Variants in TLR2 observed in about 807,000 individuals in gnomAD.
The protein encoded by TLR2 is toll like receptor 2.
A neutral mutation model predicts 9.1 loss-of-function variants in TLR2; 7 were observed. That is an observed-to-expected ratio of 0.77 (90% CI 0.44 to 1.44). The LOEUF is 1.44. Ranked by LOEUF, TLR2 falls within the 40% of genes most tolerant of loss-of-function variation. The probability of loss-of-function intolerance (pLI) is 0.01; values close to 1 mark genes in which losing one functional copy is unlikely to be tolerated. For synonymous variants in TLR2, 317 were observed against 344.6 expected (o/e 0.92, Z 0.89); for missense variants, 812 against 904.6 (o/e 0.90, Z 1.31).
intron 2 of TLR2, among the ~76,000 whole-genome samples, chr4:153,689,442 A>C (rs1319799715): frequency 6.6e-6 from 1 of 152,212 alleles, no homozygotes; most frequent in Non-Finnish European, 1.5e-5. Context: ...TTTAAGCTAA[A>C]CATCCCCTTA....
chr4:153,685,306 T>C (rs1405319327), intron 1 of TLR2, among the ~76,000 whole-genome samples: 1 of 152,196 alleles, frequency 6.6e-6, no homozygotes, highest in Non-Finnish European at 1.5e-5. Flanking sequence ...GGAAAGTCTT[T>C]TTCCTGTTTG....
intron 2 of TLR2, among the ~76,000 whole-genome samples, chr4:153,690,015 C>T (rs1042639449): frequency 4.5e-4 from 68 of 152,212 alleles, no homozygotes; most frequent in Non-Finnish European, 7.3e-5. Flanking sequence ...GATAAGGTTT[C>T]AGGTGTCTTG....
chr4:153,688,181 C>T (rs1230355133), intron 2 of TLR2, 134 bp downstream of exon 2: 1 of 152,120 alleles, frequency 6.6e-6, no homozygotes, highest in Non-Finnish European at 1.5e-5. Flanking sequence ...GACTGGTGCT[C>T]TAGGAGGCCT....
At position 153,703,814 on chromosome 4, in the gene TLR2, G is replaced by T. The variant is rs749381852; in HGVS notation, c.907G>T (p.Val303Phe). Residue 303 changes from valine (V) to phenylalanine (F), a missense_variant, in exon 3 of 3, where the codon GTT becomes TTT. Transcript: ENST00000642700. ...TTTTAGAGCATCTGATAATGACAGA[G>T]TTATAGATCCAGGTAAAGTGGAAAC... Reference protein sequence around the residue: ...GNFRASDNDRVIDPGKVETLT... With the variant: ...GNFRASDNDRFIDPGKVETLT... 1 of 1,614,006 alleles carries T rather than the reference G, an allele frequency of 6.2e-7. No individual in the cohort carries two copies. The highest frequency in any genetic ancestry group is 1.1e-5 in the South Asian group (1 of 91,032).
At chr4:153,695,766 G>A (rs1337730687) in intron 2 of TLR2, among the ~76,000 whole-genome samples, 2 of 152,150 alleles carry the variant, frequency 1.3e-5, no homozygotes, top group African/African-American at 4.8e-5. Context: ...CCAATGTCAT[G>A]GAGAGTTTTC....
intron 2 of TLR2, among the ~76,000 whole-genome samples, chr4:153,691,552 A>G (rs1474359398): frequency 6.6e-6 from 1 of 152,194 alleles, no homozygotes; most frequent in Non-Finnish European, 1.5e-5. Context: ...TAGCAAATCT[A>G]GGGTCTTTTT....
rs149623612 is a variant in TLR2 at position 153,704,796 on chromosome 4, A to G, written c.1889A>G (p.Lys630Arg). ...MMWAWLQAKRKPRKAPSRNIC... is the reference protein window; with the variant it reads ...MMWAWLQAKRRPRKAPSRNIC... ...TGGGCCTGGCTCCAGGCCAAAAGGA[A>G]GCCCAGGAAAGCTCCCAGCAGGAAC... The change falls in exon 3 of 3, where the codon AAG (lysine) becomes AGG (arginine). Residue 630 changes from lysine to arginine, a missense_variant. By Grantham distance (26) the Lys-to-Arg change is conservative. Transcript: ENST00000642700. 157 of 1,613,924 alleles carry G rather than the reference A, an allele frequency of 9.7e-5. No homozygotes were observed. In the African/African-American group the frequency reaches 1.9e-3, roughly 19 times the overall value.
At chr4:153,684,952 C>CGAGCTAG (rs1560732795) in intron 1 of TLR2, among the ~76,000 whole-genome samples, 1 of 152,198 alleles carries the variant, frequency 6.6e-6, no homozygotes, top group East Asian at 1.9e-4. Flanking sequence ...AGGCTTTCAA[C>CGAGCTAG]GAGCTAGCGT....
intron 2 of TLR2, among the ~76,000 whole-genome samples, chr4:153,699,460 T>C (rs1178740275): frequency 6.6e-6 from 1 of 152,218 alleles, no homozygotes; most frequent in African/African-American, 2.4e-5. Flanking sequence ...TTGGAATAAA[T>C]GTAAATGAGG....
At position 153,704,608 on chromosome 4, in the gene TLR2, A is replaced by G. The variant is rs371789249; in HGVS notation, c.1701A>G (p.Pro567=). 2 of 1,611,584 alleles carry G rather than the reference A, an allele frequency of 1.2e-6. No homozygotes were observed. The highest frequency in any genetic ancestry group is 1.1e-5 in the South Asian group (1 of 91,024). ...DWPANYLCDS[P]SHVRGQQVQD... is the part of the protein sequence containing the mutation. ...CAGCAAATTACCTGTGTGACTCTCC[A>G]TCCCATGTGCGTGGCCAGCAGGTTC... The change falls in exon 3 of 3, where the codon CCA becomes CCG. Residue 567 remains proline (P), a synonymous_variant. Transcript: ENST00000642700.
chr4:153,686,167 C>G (rs1024472630), intron 1 of TLR2, among the ~76,000 whole-genome samples: 3 of 152,036 alleles, frequency 2.0e-5, no homozygotes, highest in African/African-American at 7.3e-5. Context: ...CCTCTCAGCT[C>G]GCAGTGAGCC....
At chr4:153,688,770 C>T (rs767976131) in intron 2 of TLR2, 12 of 168,622 alleles carry the variant, frequency 7.1e-5, no homozygotes, top group South Asian at 6.4e-4. Flanking sequence ...CAACCTTCAG[C>T]GTGGGCGTCA....
At chr4:153,702,762 T>TGTG (rs1736990309) in intron 2 of TLR2, 130 bp from the exon 3 acceptor site, 89 of 416,924 alleles carry the variant, frequency 2.1e-4, no homozygotes, top group South Asian at 2.8e-4. Flanking sequence ...CTCTCTCTCT[T>TGTG]TGTGTGTGTG....
chr4:153,697,116 G>A (rs1419346482), intron 2 of TLR2, among the ~76,000 whole-genome samples: 2 of 152,106 alleles, frequency 1.3e-5, no homozygotes, highest in Non-Finnish European at 2.9e-5. Context: ...GTAGAAGGTT[G>A]TGGGATAGGA....
Position 153,704,468 on chromosome 4 carries a change from T to C in TLR2, c.1561T>C (p.Ser521Pro), listed in dbSNP as rs746492941. 4 of 1,614,088 alleles carry C rather than the reference T, an allele frequency of 2.5e-6. No homozygotes were observed. The African/African-American group carries it at 4.0e-5, about 16-fold the overall frequency. ...ITTFSKEQLD[S>P]FHTLKTLEAG... ...TACGTTTTCTAAGGAGCAACTTGAC[T>C]CATTTCACACACTGAAGACTTTGGA... The change falls in exon 3 of 3, where the codon TCA becomes CCA. Residue 521 changes from serine (S) to proline (P), a missense_variant. Ser to Pro is a moderately conservative substitution (Grantham distance 74). Coordinates refer to ENST00000642700, the MANE Select transcript of TLR2 (RefSeq NM_001318789.2).
intron 2 of TLR2, among the ~76,000 whole-genome samples, chr4:153,700,333 A>G (rs1736797569): frequency 6.6e-6 from 1 of 152,210 alleles, no homozygotes; most frequent in Non-Finnish European, 1.5e-5. Flanking sequence ...AACTATTTTA[A>G]ATGTTTTTAA....
At chr4:153,695,502 G>T (rs1026087746) in intron 2 of TLR2, among the ~76,000 whole-genome samples, 2 of 152,068 alleles carry the variant, frequency 1.3e-5, no homozygotes, top group Admixed American at 6.6e-5. Flanking sequence ...TAGATCTTTT[G>T]CCCATTTAAA....
At chr4:153,701,917 C>T (rs1408953899) in intron 2 of TLR2, 1 of 152,098 alleles carries the variant, frequency 6.6e-6, no homozygotes, top group Non-Finnish European at 1.5e-5. Context: ...TTTATAGTCT[C>T]TCAGATTCTG....
Position 153,704,698 on chromosome 4 carries a change from T to C in TLR2, c.1791T>C (p.Ala597=), listed in dbSNP as rs780487773. 30 of 1,613,948 alleles carry C rather than the reference T, an allele frequency of 1.9e-5. 1 individual carries two copies. The highest frequency in any genetic ancestry group is 3.3e-4 in the Middle Eastern group (2 of 6,062). Residue 597 remains alanine (A), a synonymous_variant, in exon 3 of 3, where the codon GCT becomes GCC. Coordinates refer to ENST00000642700, the MANE Select transcript of TLR2 (RefSeq NM_001318789.2). ...RTALVSGMCC[A]LFLLILLTGV... Reference sequence around the variant, plus strand: ...CACTGGTGTCTGGCATGTGCTGTGCTCTGTTCCTGCTGATCCTGCTCACGG... The same window carrying C: ...CACTGGTGTCTGGCATGTGCTGTGCCCTGTTCCTGCTGATCCTGCTCACGG...
Sources: allele counts gnomAD v4.1 joint callset (sites outside exome capture counted in the v4.1 genomes callset), GRCh38; gene constraint gnomAD v4.1.1; transcripts MANE v1.5; gene names NCBI Gene and HGNC (gene_info 2026-07-23, HGNC 2026-07-21).